The following TRIM6 variants were observed in gnomAD, a reference collection of about 807,000 sequenced individuals.
TRIM6 encodes tripartite motif containing 6, also known as tripartite motif-containing protein 6.
A neutral mutation model predicts 51.2 loss-of-function variants in TRIM6; 43 were observed. The observed-to-expected ratio is 0.84, with a 90% confidence interval of 0.66 to 1.08. The LOEUF (loss-of-function observed/expected upper bound fraction) is 1.08, where lower values mean the gene tolerates loss of function less well. Ranked by LOEUF, TRIM6 falls within the 50% of genes least tolerant of loss-of-function variation. TRIM6 has a pLI of 0.00. For missense variants in TRIM6, 669 were observed against 619.0 expected (o/e 1.08, Z -0.86); for synonymous variants, 215 against 232.4 (o/e 0.93, Z 0.68).
intron 3 of TRIM6, 87 bp from the exon 4 acceptor site, chr11:5,605,250 A>G: frequency 6.4e-7 from 1 of 1,570,516 alleles, no homozygotes. Flanking sequence ...CCAGGAAAGC[A>G]GTCCTGAGCC....
At chr11:5,610,060 C>A in intron 5 of TRIM6, 85 bp from the exon 6 acceptor site, 1 of 1,394,926 alleles carries the variant, frequency 7.2e-7, no homozygotes, top group Non-Finnish European at 1.0e-6. Context: ...TGGAATTCAT[C>A]AGTAGGCTTG....
chr11:5,600,950 A>T (rs1488164656), intron 1 of TRIM6, among the ~76,000 whole-genome samples: 1 of 152,218 alleles, frequency 6.6e-6, no homozygotes, highest in Non-Finnish European at 1.5e-5. Flanking sequence ...AAAATTTTCT[A>T]AAGAGTATTC....
Position 5,611,416 on chromosome 11 carries a change from T to A in TRIM6, c.*74T>A. Reference sequence around the variant, plus strand: ...AGCATGTGATTCTCCCTTCTGATCTTCTGTTTTTCTGTGTTCTCAATTCTT... The same window carrying A: ...AGCATGTGATTCTCCCTTCTGATCTACTGTTTTTCTGTGTTCTCAATTCTT... On this transcript the variant is annotated 3_prime_UTR_variant, in exon 8 of 8. Transcript: ENST00000380097. The A allele has an allele frequency of 8.3e-7, 1 of 1,203,736 alleles. No individual in the cohort carries two copies. 74.6% of individuals were successfully genotyped at this position (1,203,736 alleles called of 1,614,324 possible).
intron 3 of TRIM6, 88 bp from the exon 4 acceptor site, chr11:5,605,249 C>T (rs1188288941): frequency 1.3e-6 from 2 of 1,577,158 alleles, no homozygotes; most frequent in African/African-American, 1.3e-5. Flanking sequence ...CCCAGGAAAG[C>T]AGTCCTGAGC....
Position 5,603,310 on chromosome 11 carries a change from A to G in TRIM6, c.82A>G (p.Thr28Ala), listed in dbSNP as rs1847982050. ...GCAGGCAGGAGCCAGGAGAGTAGCT[A>G]CAATGACTTCACCAGTACTGGTGGA... ...VGQAGARRVA[T>A]MTSPVLVDIR... Residue 28 changes from threonine to alanine, a missense_variant, in exon 2 of 8, where the codon ACA (threonine) becomes GCA (alanine). Coordinates refer to ENST00000380097, the MANE Select transcript of TRIM6 (RefSeq NM_001003818.3). The G allele has an allele frequency of 6.2e-7, 1 of 1,614,032 alleles. No homozygotes were observed. Among genetic ancestry groups the G allele is most frequent in the East Asian group, 2.2e-5 (1 of 44,860 alleles).
rs757153755 is a variant in TRIM6, at chr11:5,610,576, T to C, written c.985+15T>C. 1.6e-5 allele frequency: 26 copies of C among 1,610,792 alleles called. No individual in the cohort carries two copies. The East Asian group carries it at 4.7e-4, about 29-fold the overall frequency. On this transcript the variant is annotated intron_variant, in intron 7 of 7. Coordinates refer to ENST00000380097, the MANE Select transcript of TRIM6 (RefSeq NM_001003818.3). ...AAGCTACTGGGGTAAGTAGAAGCCATGGCCTCTTTGGGCTGGCACATTCTG... is the reference window on the plus strand; with the variant it reads ...AAGCTACTGGGGTAAGTAGAAGCCACGGCCTCTTTGGGCTGGCACATTCTG...
intron 2 of TRIM6, among the ~76,000 whole-genome samples, chr11:5,604,114 C>T (rs1265667151): frequency 6.6e-6 from 1 of 152,126 alleles, no homozygotes; most frequent in Non-Finnish European, 1.5e-5. Context: ...TCGTGCCTGG[C>T]CTCCCAAGTA....
chr11:5,604,522 G>T lies in TRIM6; in HGVS notation c.508-12G>T. On this transcript the variant is annotated splice_polypyrimidine_tract_variant and intron_variant, in intron 2 of 7. Transcript: ENST00000380097. ...GGCTTGATCCTGCTTGACCTGATTT[G>T]TTTTCTTCAAGGAGAAGTTTCAGGA... is the stretch of plus-strand genomic sequence containing the variant. 1 of 1,607,786 alleles carries T rather than the reference G, an allele frequency of 6.2e-7. No homozygotes were observed. Among genetic ancestry groups the T allele is most frequent in the Non-Finnish European group, 8.5e-7 (1 of 1,177,410 alleles).
chr11:5,604,796 A>C (rs1372396259), intron 3 of TRIM6, 167 bp downstream of exon 3: 1 of 635,982 alleles, frequency 1.6e-6, no homozygotes, highest in Non-Finnish European at 2.5e-6. Flanking sequence ...GGAGGAGAGG[A>C]GGTAAATAGC....
intron 4 of TRIM6, among the ~76,000 whole-genome samples, chr11:5,606,495 T>C (rs1404676437): frequency 6.6e-6 from 1 of 152,192 alleles, no homozygotes; most frequent in Non-Finnish European, 1.5e-5. Flanking sequence ...CTCTTGCTCC[T>C]TCTTTCTTGG....
chr11:5,606,124 C>T (rs1848191380), intron 4 of TRIM6, among the ~76,000 whole-genome samples: 1 of 152,182 alleles, frequency 6.6e-6, no homozygotes. Context: ...TGCTTCTTAC[C>T]CAGCTTAGTC....
At chr11:5,609,840 T>G (rs1054684132) in intron 5 of TRIM6, among the ~76,000 whole-genome samples, 1 of 152,162 alleles carries the variant, frequency 6.6e-6, no homozygotes, top group Non-Finnish European at 1.5e-5. Context: ...GGAGAATCGC[T>G]TGAACCTGGG....
At position 5,598,893 on chromosome 11, in the gene TRIM6, A is replaced by C. The variant is rs563182760; in HGVS notation, c.17+1979A>C. Among the ~76,000 whole-genome samples, 14 of 152,228 alleles carry C rather than the reference A, an allele frequency of 9.2e-5. No homozygotes were observed. In the South Asian group the frequency reaches 2.7e-3, roughly 29 times the overall value. The stretch of plus-strand genomic sequence containing the variant: ...AGTCAGCTGTGTAACCACCACCATG[A>C]TCATGATACATAAAGGGCATTTCCC... On this transcript the variant is annotated intron_variant, in intron 1 of 7. Coordinates refer to ENST00000380097, the MANE Select transcript of TRIM6 (RefSeq NM_001003818.3).
intron 1 of TRIM6, 61 bp from the exon 2 acceptor site, chr11:5,603,185 T>C (rs1847971434): frequency 3.2e-6 from 5 of 1,563,778 alleles, no homozygotes; most frequent in Non-Finnish European, 4.3e-6. Context: ...GGGCAGTCAG[T>C]ATTCCCTTAT....
In TRIM6 at chr11:5,610,841, AG is replaced by A. The variant is rs756427166; in HGVS notation, c.1051del (p.Val351Ter). On this transcript the variant is annotated frameshift_variant, in exon 8 of 8. Coordinates refer to ENST00000380097, the MANE Select transcript of TRIM6 (RefSeq NM_001003818.3). LOFTEE classifies it low-confidence loss of function (END_TRUNC). Reference sequence around the variant, plus strand: ...TTGTCCTGGCTAAAAACCGGAGACAAGTGAGGTTTGTGGGAGCTAAAGTATC... The same window carrying A: ...TTGTCCTGGCTAAAAACCGGAGACAATGAGGTTTGTGGGAGCTAAAGTATC... The part of the protein sequence containing the change: ...NLVLAKNRRQ[V>X]RFVGAKVSGP... 1 of 1,614,200 alleles carries A rather than the reference AG, an allele frequency of 6.2e-7. No individual in the cohort carries two copies. The highest frequency in any genetic ancestry group is 8.5e-7 in the Non-Finnish European group (1 of 1,180,040).
Position 5,604,611 on chromosome 11 carries a change from G to GA in TRIM6, c.587dup (p.Lys197GlufsTer11), listed in dbSNP as rs749588197. ...AGAAGCTAACAGCTTTTATCAGAGA[G>GA]AAGAAAACATCCTGGAAGGCAAGGG... On this transcript the variant is annotated frameshift_variant, in exon 3 of 8. Coordinates refer to ENST00000380097, the MANE Select transcript of TRIM6 (RefSeq NM_001003818.3). LOFTEE classifies it high-confidence loss of function. 1.2e-6 allele frequency: 2 copies of GA among 1,612,976 alleles called. No individual in the cohort carries two copies. The highest frequency in any genetic ancestry group is 2.2e-5 in the South Asian group (2 of 90,714).
At chr11:5,605,949 G>A (rs1227924009) in intron 4 of TRIM6, among the ~76,000 whole-genome samples, 1 of 152,088 alleles carries the variant, frequency 6.6e-6, no homozygotes, top group African/African-American at 2.4e-5. Flanking sequence ...AGCGTCTCTG[G>A]CCTCTGCTCA....
chr11:5,601,693 G>T (rs1210908725), intron 1 of TRIM6, among the ~76,000 whole-genome samples: 2 of 152,176 alleles, frequency 1.3e-5, no homozygotes, highest in African/African-American at 4.8e-5. Flanking sequence ...GGGAGGCAGA[G>T]GTTGCAGTGA....
rs1848582992 is a variant in TRIM6 at position 5,611,647 on chromosome 11, T to A, written c.*305T>A. On this transcript the variant is annotated 3_prime_UTR_variant, in exon 8 of 8. Transcript: ENST00000380097. ...TTTTGTATTTTTATAGAGATAGGGT[T>A]TCACCGTGTTGGCCAGGCTGATCTC... is the stretch of plus-strand genomic sequence containing the variant. 1 of 278,002 alleles carries A rather than the reference T, an allele frequency of 3.6e-6. No individual in the cohort carries two copies. The highest frequency in any genetic ancestry group is 6.8e-6 in the Non-Finnish European group (1 of 146,684). The allele number at this position is 278,002 out of a possible 1,614,324, so 17.2% of individuals were successfully genotyped here.
Sources: allele counts gnomAD v4.1 joint callset (sites outside exome capture counted in the v4.1 genomes callset), GRCh38; gene constraint gnomAD v4.1.1; transcripts MANE v1.5; gene names NCBI Gene and HGNC (gene_info 2026-07-23, HGNC 2026-07-21).